RFT1: variants seen among roughly 807,000 people sequenced by gnomAD.
RFT1 encodes the protein man(5)GlcNAc(2)-PP-dolichol translocation protein RFT1.
Under a neutral mutation model 62.2 loss-of-function variants are expected in RFT1, and 43 were observed. That is an observed-to-expected ratio of 0.69 (90% CI 0.54 to 0.89). The LOEUF (loss-of-function observed/expected upper bound fraction) is 0.89. Among genes scored for constraint, RFT1 ranks in the 40% least tolerant of loss-of-function variants. RFT1 has a pLI of 0.00. For missense variants in RFT1, 605 were observed against 649.9 expected (o/e 0.93, Z 0.75); for synonymous variants, 262 against 264.6 (o/e 0.99, Z 0.10).
chr3:53,083,823 C>G (rs566445615), downstream of RFT1, among the ~76,000 whole-genome samples: 1 of 152,234 alleles, frequency 6.6e-6, no homozygotes, highest in African/African-American at 2.4e-5. Context: ...TGCACATCTG[C>G]GAGAACATTC....
At chr3:53,070,392 G>GGTTTT in the RFT1 span, among the ~76,000 whole-genome samples, 77 of 22,534 alleles carry the variant, frequency 3.4e-3, no homozygotes, top group Non-Finnish European at 0.011. Flanking sequence ...CCTGTATTAT[G>GGTTTT]GTTTTTTTTT....
At chr3:53,105,415 G>C (rs2581773) in intron 9 of RFT1, among the ~76,000 whole-genome samples, 88 of 10,040 alleles carry the variant, frequency 8.8e-3, no homozygotes, top group African/African-American at 0.014. Flanking sequence ...CTCTATCCCC[G>C]CCCCCCCCCC....
chr3:53,107,443 A>G (rs1405014141), intron 7 of RFT1, among the ~76,000 whole-genome samples: 5 of 152,086 alleles, frequency 3.3e-5, no homozygotes, highest in Non-Finnish European at 5.9e-5. Flanking sequence ...AGCCCTAAAA[A>G]TAAGTTTTTA....
the RFT1 span, among the ~76,000 whole-genome samples, chr3:53,073,304 G>A: frequency 6.6e-6 from 1 of 152,242 alleles, no homozygotes; most frequent in South Asian, 2.1e-4. Context: ...GCATCTGTGG[G>A]TGAGGAGAGA....
intron 7 of RFT1, among the ~76,000 whole-genome samples, chr3:53,108,860 G>T (rs902452430): frequency 6.6e-5 from 10 of 151,192 alleles, no homozygotes; most frequent in African/African-American, 2.4e-4. Context: ...GTAGAGATGG[G>T]GTTTCACTGT....
chr3:53,068,916 G>C, the RFT1 span, among the ~76,000 whole-genome samples: 1 of 152,092 alleles, frequency 6.6e-6, no homozygotes, highest in African/African-American at 2.4e-5. Context: ...TATAAAACAG[G>C]CTTTGTGTTC....
At chr3:53,106,643 T>C (rs373172554) in intron 8 of RFT1, among the ~76,000 whole-genome samples, 176 bp downstream of exon 8, 2 of 152,268 alleles carry the variant, frequency 1.3e-5, no homozygotes, top group South Asian at 4.1e-4. Flanking sequence ...CCAGAATACC[T>C]GACACCAAAG....
chr3:53,118,686 G>A (rs968317523), intron 6 of RFT1, among the ~76,000 whole-genome samples: 2 of 152,118 alleles, frequency 1.3e-5, no homozygotes, highest in Admixed American at 1.3e-4. Flanking sequence ...GCCCAGAATG[G>A]AGGAGCTCAT....
At chr3:53,087,809 C>T (rs1032331108), downstream of RFT1, among the ~76,000 whole-genome samples, 1 of 152,240 alleles carries the variant, frequency 6.6e-6, no homozygotes, top group Non-Finnish European at 1.5e-5. Context: ...GCGCAAGCCA[C>T]AACGCCTGGC....
chr3:53,123,351 TA>T (rs1275773248), intron 3 of RFT1, among the ~76,000 whole-genome samples: 1 of 152,172 alleles, frequency 6.6e-6, no homozygotes, highest in African/African-American at 2.4e-5. Context: ...AAGTGGCTGT[TA>T]AAAGCTCAAA....
At position 53,092,322 on chromosome 3, in the gene RFT1, C is replaced by A. The variant is rs201125672; in HGVS notation, c.1458+47G>T. 13 of 1,574,512 alleles carry A rather than the reference C, an allele frequency of 8.3e-6. No homozygotes were observed. The Middle Eastern group carries it at 5.9e-4, about 72-fold the overall frequency. ...AGAGGAGGCCTAGCGGGAGAGACAG[C>A]GGGGCAGCTGCAGAAGCATGTGGCA... On this transcript the variant is annotated intron_variant, in intron 12 of 12. Coordinates refer to ENST00000296292, the MANE Select transcript of RFT1 (RefSeq NM_052859.4).
chr3:53,086,975 C>T (rs1304986881), downstream of RFT1, among the ~76,000 whole-genome samples: 1 of 152,162 alleles, frequency 6.6e-6, no homozygotes, highest in East Asian at 1.9e-4. Context: ...CGGTGGCTCA[C>T]GCCTGTAATC....
chr3:53,110,370 G>C (rs1349120767), intron 7 of RFT1, among the ~76,000 whole-genome samples: 1 of 152,206 alleles, frequency 6.6e-6, no homozygotes, highest in Admixed American at 6.5e-5. Context: ...CCAGGCCACA[G>C]GGAGGCAGTA....
the RFT1 span, among the ~76,000 whole-genome samples, chr3:53,073,252 A>G: frequency 2.6e-5 from 4 of 152,142 alleles, no homozygotes; most frequent in African/African-American, 7.2e-5. Context: ...CCCACATCCC[A>G]TGCTTCCCCC....
intron 6 of RFT1, among the ~76,000 whole-genome samples, chr3:53,116,448 C>G (rs1000132373): frequency 6.6e-6 from 1 of 152,106 alleles, no homozygotes; most frequent in African/African-American, 2.4e-5. Context: ...CATGTGCCAC[C>G]ATGCCCAGCT....
At chr3:53,113,067 A>C (rs1701696448) in intron 6 of RFT1, among the ~76,000 whole-genome samples, 1 of 152,144 alleles carries the variant, frequency 6.6e-6, no homozygotes. Flanking sequence ...CCAGGTTGGA[A>C]TGCAGTGGCA....
At chr3:53,122,759 T>A (rs1012219411) in intron 3 of RFT1, among the ~76,000 whole-genome samples, 196 bp from the exon 4 acceptor site, 1 of 152,102 alleles carries the variant, frequency 6.6e-6, no homozygotes, top group African/African-American at 2.4e-5. Context: ...TCTGTCATTA[T>A]CTCCATTAAA....
At chr3:53,125,143 C>G (rs775730893) in intron 2 of RFT1, among the ~76,000 whole-genome samples, 11 of 152,174 alleles carry the variant, frequency 7.2e-5, no homozygotes, top group Non-Finnish European at 1.5e-4. Flanking sequence ...TTGCTCAAAG[C>G]TTGAGTCCTG....
At chr3:53,103,666 CAA>C in intron 10 of RFT1, 1 of 424,326 alleles carries the variant, frequency 2.4e-6, no homozygotes, top group Non-Finnish European at 4.4e-6. Flanking sequence ...AAGCGCTTGG[CAA>C]AACACATTCT....
Sources: allele counts gnomAD v4.1 joint callset (sites outside exome capture counted in the v4.1 genomes callset), GRCh38; gene constraint gnomAD v4.1.1; transcripts MANE v1.5; gene names NCBI Gene and HGNC (gene_info 2026-07-23, HGNC 2026-07-21).